Variants in NRG3 observed in about 807,000 individuals in gnomAD.
The protein encoded by NRG3 is neuregulin 3.
A neutral mutation model predicts 66.9 loss-of-function variants in NRG3; 31 were observed. The observed-to-expected ratio is 0.46, with a 90% confidence interval of 0.35 to 0.63. The LOEUF (loss-of-function observed/expected upper bound fraction) is 0.63, where lower values mean the gene tolerates loss of function less well. Among genes scored for constraint, NRG3 ranks in the 20% least tolerant of loss-of-function variants. The probability of loss-of-function intolerance (pLI) is 0.00; values close to 1 mark genes in which losing one functional copy is unlikely to be tolerated. For synonymous variants in NRG3, 393 were observed against 359.4 expected (o/e 1.09, Z -1.06); for missense variants, 910 against 878.9 (o/e 1.04, Z -0.45).
chr10:82,856,582 T>C (rs1411339933), intron 3 of NRG3, among the ~76,000 whole-genome samples: 1 of 151,388 alleles, frequency 6.6e-6, no homozygotes, highest in African/African-American at 2.4e-5. Context: ...CTGTCTCTAC[T>C]AAAAATACAA....
chr10:82,815,390 A>G (rs191823411), intron 3 of NRG3, among the ~76,000 whole-genome samples: 53 of 152,292 alleles, frequency 3.5e-4, no homozygotes, highest in African/African-American at 1.3e-3. Context: ...GGGGAAATGT[A>G]TGAGGTGTTC....
At chr10:82,555,078 G>T (rs1017927284) in intron 2 of NRG3, among the ~76,000 whole-genome samples, 24 of 152,146 alleles carry the variant, frequency 1.6e-4, no homozygotes, top group African/African-American at 5.3e-4. Context: ...CAAACCAATT[G>T]CCATATGGCC....
chr10:82,722,168 G>T (rs375846361), intron 2 of NRG3, among the ~76,000 whole-genome samples: 1 of 152,154 alleles, frequency 6.6e-6, no homozygotes, highest in East Asian at 1.9e-4. Flanking sequence ...TGTGGGGCCT[G>T]GTTGTTGTTC....
At chr10:82,690,873 T>C (rs144558190) in intron 2 of NRG3, among the ~76,000 whole-genome samples, 4 of 152,310 alleles carry the variant, frequency 2.6e-5, no homozygotes, top group African/African-American at 9.6e-5. Context: ...AAAGTTTATC[T>C]CATATCCCTA....
chr10:82,601,817 C>T (rs2133402398), intron 2 of NRG3, among the ~76,000 whole-genome samples: 1 of 146,718 alleles, frequency 6.8e-6, no homozygotes, highest in South Asian at 2.2e-4. Flanking sequence ...TCAGACCAGC[C>T]TGGGCAACAC....
At chr10:82,363,601 A>G (rs1589858348) in intron 2 of NRG3, among the ~76,000 whole-genome samples, 1 of 152,010 alleles carries the variant, frequency 6.6e-6, no homozygotes, top group South Asian at 2.1e-4. Context: ...GACTACAGGC[A>G]CCTGCCACCA....
chr10:82,750,464 T>G (rs1369675565), intron 3 of NRG3, among the ~76,000 whole-genome samples: 1 of 152,124 alleles, frequency 6.6e-6, no homozygotes. Flanking sequence ...ACTACATTGT[T>G]GACAGTAGTC....
At chr10:82,199,408 T>C (rs1412353623) in intron 1 of NRG3, among the ~76,000 whole-genome samples, 1 of 152,140 alleles carries the variant, frequency 6.6e-6, no homozygotes, top group Non-Finnish European at 1.5e-5. Context: ...AGTTCAAACA[T>C]GTTCTGGGAG....
intron 1 of NRG3, among the ~76,000 whole-genome samples, chr10:82,250,520 G>A (rs559374767): frequency 9.9e-5 from 15 of 152,106 alleles, no homozygotes; most frequent in Non-Finnish European, 1.5e-4. Context: ...CCTGGGAGGC[G>A]GAGATTGCAA....
chr10:82,477,873 A>G (rs10748994), intron 2 of NRG3, among the ~76,000 whole-genome samples: 95,124 of 151,928 alleles, frequency 0.63, 32,152 homozygotes, highest in South Asian at 0.79. Flanking sequence ...AACAGTGCCA[A>G]GACTCCGGGA....
chr10:82,751,712 C>T (rs1565276036), intron 3 of NRG3, among the ~76,000 whole-genome samples: 1 of 151,954 alleles, frequency 6.6e-6, no homozygotes, highest in Non-Finnish European at 1.5e-5. Context: ...GAAAAGGAAA[C>T]CCTAGATGAA....
chr10:82,039,806 C>T (rs2062950320), intron 1 of NRG3, among the ~76,000 whole-genome samples: 1 of 152,104 alleles, frequency 6.6e-6, no homozygotes, highest in South Asian at 2.1e-4. Flanking sequence ...AGTATTCTCT[C>T]TTCTTTTCAC....
At chr10:82,022,042 A>G (rs2062085762) in intron 1 of NRG3, among the ~76,000 whole-genome samples, 1 of 151,868 alleles carries the variant, frequency 6.6e-6, no homozygotes, top group Non-Finnish European at 1.5e-5. Flanking sequence ...AGGCAGCATC[A>G]AATTCTGAAT....
intron 3 of NRG3, among the ~76,000 whole-genome samples, chr10:82,804,663 G>A (rs1471895792): frequency 6.6e-6 from 1 of 152,160 alleles, no homozygotes; most frequent in Non-Finnish European, 1.5e-5. Flanking sequence ...CATATGTGAA[G>A]CATTTGCCTT....
intron 4 of NRG3, 62 bp downstream of exon 4, chr10:82,865,499 G>C: frequency 6.8e-7 from 1 of 1,472,524 alleles, no homozygotes; most frequent in Non-Finnish European, 9.4e-7. Context: ...GATGTACATA[G>C]TGCTTTCCTT....
chr10:82,282,244 CATTACATTTATTT>C (rs2079161983), intron 1 of NRG3, among the ~76,000 whole-genome samples: 1 of 144,728 alleles, frequency 6.9e-6, no homozygotes, highest in African/African-American at 2.6e-5. Flanking sequence ...ATTTTGAAAA[CATTACATTTATTT>C]ATTTATTTAT....
intron 2 of NRG3, among the ~76,000 whole-genome samples, chr10:82,386,170 G>T (rs1409822418): frequency 1.3e-5 from 2 of 151,966 alleles, no homozygotes; most frequent in Admixed American, 6.6e-5. Context: ...TTTTTAAAAG[G>T]CCATACATAT....
intron 2 of NRG3, among the ~76,000 whole-genome samples, chr10:82,667,306 G>A (rs1190740130): frequency 1.2e-4 from 18 of 152,172 alleles, no homozygotes; most frequent in Non-Finnish European, 1.0e-4. Flanking sequence ...GGTTCTGAGT[G>A]TAAACACTGC....
intron 2 of NRG3, among the ~76,000 whole-genome samples, chr10:82,561,922 G>A (rs920960687): frequency 2.0e-5 from 3 of 152,154 alleles, no homozygotes; most frequent in South Asian, 2.1e-4. Context: ...AATAGGGGTA[G>A]GGCATAGAAC....
Sources: gnomAD v4.1 joint callset for allele counts (sites outside exome capture counted in the v4.1 genomes callset) on GRCh38, gnomAD v4.1.1 for gene constraint, MANE v1.5 for transcripts, NCBI Gene and HGNC (gene_info 2026-07-23, HGNC 2026-07-21) for gene names.